The following USH2A variants were observed in gnomAD, a reference collection of about 807,000 sequenced individuals.
The protein encoded by USH2A is Usher syndrome 2A (autosomal recessive, mild).
Under a neutral mutation model 538.9 loss-of-function variants are expected in USH2A, and 443 were observed. The observed-to-expected ratio is 0.82, with a 90% CI of 0.76 to 0.89. The LOEUF (loss-of-function observed/expected upper bound fraction) is 0.89. USH2A is among the 40% of genes least tolerant of loss of function. The pLI is 0.00. For missense variants in USH2A, 6,633 were observed against 6,324.8 expected (o/e 1.05, Z -1.65); for synonymous variants, 2,413 against 2,273.5 (o/e 1.06, Z -1.75).
chr1:216,016,641 T>C (rs1362316195), intron 32 of USH2A, among the ~76,000 whole-genome samples: 1 of 152,206 alleles, frequency 6.6e-6, no homozygotes, highest in Non-Finnish European at 1.5e-5. Context: ...CAGTCATCAG[T>C]AGTTACAGTG....
rs758556681 is a variant in USH2A, at chr1:215,845,859, T to C, written c.9020A>G (p.Asn3007Ser). 6.2e-7 allele frequency: 1 copy of C among 1,613,894 alleles called. No individual in the cohort carries two copies. The highest frequency in any genetic ancestry group is 1.1e-5 in the South Asian group (1 of 91,088). ...AGTGGTTGCATGAAGTCCTGCACTGTTGATGCTGTGGACTCCATTGAAGAC... is the reference window on the plus strand; with the variant it reads ...AGTGGTTGCATGAAGTCCTGCACTGCTGATGCTGTGGACTCCATTGAAGAC... ...ISVFNGVHSI[N>S]SAGLHATTCD... Residue 3007 changes from asparagine to serine, a missense_variant, in exon 45 of 72, where the codon AAC (asparagine) becomes AGC (serine). Physicochemically the swap from Asn to Ser is conservative, Grantham distance 46 (BLOSUM62 1). Coordinates refer to ENST00000307340, the MANE Select transcript of USH2A (RefSeq NM_206933.4).
At chr1:215,725,597 G>A (rs924450910) in intron 61 of USH2A, among the ~76,000 whole-genome samples, 33 of 152,266 alleles carry the variant, frequency 2.2e-4, no homozygotes, top group Non-Finnish European at 4.1e-4. Context: ...AAGAGCCAAA[G>A]ATTTAGGTTT....
chr1:215,652,737 C>T (rs1438913533), intron 64 of USH2A, among the ~76,000 whole-genome samples: 1 of 152,120 alleles, frequency 6.6e-6, no homozygotes, highest in Non-Finnish European at 1.5e-5. Context: ...GGGGGGACAC[C>T]TATTATTACA....
intron 32 of USH2A, among the ~76,000 whole-genome samples, chr1:216,016,520 T>C (rs1332969823): frequency 1.3e-5 from 2 of 152,140 alleles, no homozygotes; most frequent in Admixed American, 6.5e-5. Flanking sequence ...AAAACCCTGT[T>C]CAATGTTTGC....
At chr1:215,766,871 T>G (rs1558088879) in intron 55 of USH2A, 83 bp from the exon 56 acceptor site, 1 of 1,282,444 alleles carries the variant, frequency 7.8e-7, no homozygotes, top group East Asian at 2.3e-5. Context: ...CATGCAGAGT[T>G]GTAGATATGA....
chr1:215,669,969 C>G (rs1020494659), intron 64 of USH2A, among the ~76,000 whole-genome samples: 1 of 152,092 alleles, frequency 6.6e-6, no homozygotes, highest in Non-Finnish European at 1.5e-5. Context: ...TGGCATTGTT[C>G]CTGGCACTTA....
intron 70 of USH2A, among the ~76,000 whole-genome samples, chr1:215,629,773 CT>C (rs34349385): frequency 3.5e-3 from 443 of 125,054 alleles, no homozygotes; most frequent in African/African-American, 0.012. Context: ...CTTTTCTTTT[CT>C]TTTTTTTTTT....
At chr1:216,038,894 C>A (rs2030127435) in intron 32 of USH2A, among the ~76,000 whole-genome samples, 1 of 152,002 alleles carries the variant, frequency 6.6e-6, no homozygotes, top group Non-Finnish European at 1.5e-5. Flanking sequence ...AATATTATTC[C>A]CATGATTCTT....
At chr1:216,361,055 C>T (rs950858648) in intron 4 of USH2A, among the ~76,000 whole-genome samples, 1 of 152,012 alleles carries the variant, frequency 6.6e-6, no homozygotes. Flanking sequence ...TATAGACAGA[C>T]AGACAGATCA....
At chr1:215,630,524 ATAT>A (rs1373433728) in intron 70 of USH2A, among the ~76,000 whole-genome samples, 121 of 124,404 alleles carry the variant, frequency 9.7e-4, no homozygotes, top group African/African-American at 3.5e-3. Flanking sequence ...ATATATATAT[ATAT>A]GAGAGAGAGA....
At chr1:215,900,483 A>C (rs966776410) in intron 39 of USH2A, among the ~76,000 whole-genome samples, 1 of 152,214 alleles carries the variant, frequency 6.6e-6, no homozygotes, top group Non-Finnish European at 1.5e-5. Flanking sequence ...TGTTAGCGAC[A>C]GTTCAGACAT....
intron 26 of USH2A, among the ~76,000 whole-genome samples, chr1:216,081,482 C>T (rs771531070): frequency 1.1e-4 from 16 of 152,000 alleles, no homozygotes; most frequent in Non-Finnish European, 1.8e-4. Flanking sequence ...TATGGCAGAC[C>T]GTAATGTTAA....
At position 216,247,196 on chromosome 1, in the gene USH2A, A is replaced by C. The variant is rs1415708295; in HGVS notation, c.2198T>G (p.Phe733Cys). 4 of 1,613,916 alleles carry C rather than the reference A, an allele frequency of 2.5e-6. No homozygotes were observed. The highest frequency in any genetic ancestry group is 3.4e-6 in the Non-Finnish European group (4 of 1,179,932). ...GLRCDHCNFGFKFLRSFNDVG... is the reference protein window; with the variant it reads ...GLRCDHCNFGCKFLRSFNDVG... ...ATCATTAAAGCTTCGGAGAAATTTA[A>C]ATCCAAAATTGCAATGATCACACCT... The change falls in exon 13 of 72, where the codon TTT (phenylalanine) becomes TGT (cysteine). Residue 733 changes from phenylalanine to cysteine, a missense_variant. Transcript: ENST00000307340.
intron 3 of USH2A, among the ~76,000 whole-genome samples, chr1:216,373,066 T>C (rs948674218): frequency 3.3e-5 from 5 of 152,204 alleles, no homozygotes; most frequent in African/African-American, 1.2e-4. Flanking sequence ...CTGCTCTTCA[T>C]ACTCTCACTA....
rs1228018252 is a variant in USH2A, at chr1:216,074,563, A to G, written c.5573-1263T>C. ...ATTAAGTTGCAGCCTATTTCCTTTT[A>G]AATGTCTTTTACTATTATCCACATT... is the stretch of plus-strand genomic sequence containing the variant. On this transcript the variant is annotated intron_variant, in intron 27 of 71. Coordinates refer to ENST00000307340, the MANE Select transcript of USH2A (RefSeq NM_206933.4). 2.0e-5 allele frequency among the ~76,000 whole-genome samples: 3 copies of G among 152,184 alleles called. No individual in the cohort carries two copies. In the East Asian group the frequency reaches 5.8e-4, roughly 29 times the overall value.
chr1:215,708,659 T>C (rs1343883106), intron 61 of USH2A, among the ~76,000 whole-genome samples: 1 of 152,106 alleles, frequency 6.6e-6, no homozygotes, highest in African/African-American at 2.4e-5. Flanking sequence ...ATAATAGGGT[T>C]TGCTATGTGA....
At chr1:215,903,784 G>A (rs969689056) in intron 38 of USH2A, among the ~76,000 whole-genome samples, 14 of 152,050 alleles carry the variant, frequency 9.2e-5, no homozygotes, top group Non-Finnish European at 1.6e-4. Flanking sequence ...TGAAATGGAG[G>A]CTTGAAGAAA....
At chr1:215,842,026 C>A (rs1663691023) in intron 46 of USH2A, among the ~76,000 whole-genome samples, 1 of 151,990 alleles carries the variant, frequency 6.6e-6, no homozygotes, top group African/African-American at 2.4e-5. Flanking sequence ...AGGGATTATT[C>A]AAAAAGTAGA....
intron 11 of USH2A, among the ~76,000 whole-genome samples, chr1:216,285,528 G>C (rs140108863): frequency 4.9e-4 from 74 of 152,354 alleles, no homozygotes; most frequent in African/African-American, 1.7e-3. Context: ...AGGTAGTGTG[G>C]AAGGGAAATG....
Sources: allele counts gnomAD v4.1 joint callset (sites outside exome capture counted in the v4.1 genomes callset), GRCh38; gene constraint gnomAD v4.1.1; transcripts MANE v1.5; gene names NCBI Gene and HGNC (gene_info 2026-07-23, HGNC 2026-07-21).